Variants in ZGRF1 observed in about 807,000 individuals in gnomAD.
ZGRF1 encodes the protein 5'-3' DNA helicase ZGRF1.
Under a neutral mutation model 203.5 loss-of-function variants are expected in ZGRF1, and 196 were observed. That is an observed-to-expected ratio of 0.96 (90% CI 0.86 to 1.08). ZGRF1 has a LOEUF of 1.08. Ranked by LOEUF, ZGRF1 falls within the 50% of genes least tolerant of loss-of-function variation. The pLI is 0.00. For synonymous variants in ZGRF1, 809 were observed against 841.3 expected (o/e 0.96, Z 0.66); for missense variants, 2,326 against 2,416.3 (o/e 0.96, Z 0.78).
At chr4:112,598,292 G>A (rs1749374265) in intron 10 of ZGRF1, among the ~76,000 whole-genome samples, 1 of 152,080 alleles carries the variant, frequency 6.6e-6, no homozygotes, top group East Asian at 1.9e-4. Flanking sequence ...GCTTTTTGAG[G>A]GTATGGAAAA....
intron 10 of ZGRF1, among the ~76,000 whole-genome samples, chr4:112,599,519 G>A (rs966237659): frequency 2.7e-5 from 4 of 150,772 alleles, no homozygotes; most frequent in African/African-American, 9.8e-5. Flanking sequence ...TCAGGAGTTT[G>A]AGACCAGCCT....
chr4:112,539,523 A>T lies in ZGRF1; in HGVS notation c.*24T>A, dbSNP rs922899202. On this transcript the variant is annotated 3_prime_UTR_variant, in exon 28 of 28. Transcript: ENST00000505019. ...AAAATGAGTCTGAATTTACATAAAT[A>T]CAAAATATTTACACCATGTCTTTTT... 8.8e-7 allele frequency: 1 copy of T among 1,141,388 alleles called. No homozygotes were observed. The highest frequency in any genetic ancestry group is 1.3e-6 in the Non-Finnish European group (1 of 790,580). The allele number at this position is 1,141,388 out of a possible 1,614,324, so 70.7% of individuals were successfully genotyped here. A position where few individuals can be genotyped will look rare whatever the true frequency, so the allele number is the denominator to read the frequency against.
intron 14 of ZGRF1, 43 bp downstream of exon 14, chr4:112,585,498 A>G (rs1747008628): frequency 2.0e-6 from 3 of 1,515,204 alleles, no homozygotes; most frequent in Non-Finnish European, 2.7e-6. Flanking sequence ...ACCCTTTATA[A>G]GACAAGTATT....
intron 1 of ZGRF1, among the ~76,000 whole-genome samples, chr4:112,634,685 G>A (rs568626757): frequency 2.0e-5 from 3 of 151,998 alleles, no homozygotes; most frequent in Admixed American, 2.0e-4. Context: ...CGGGGGCGGT[G>A]AAGTGCAAGA....
At chr4:112,617,242 G>A (rs1244098724) in intron 6 of ZGRF1, among the ~76,000 whole-genome samples, 198 bp downstream of exon 6, 1 of 152,156 alleles carries the variant, frequency 6.6e-6, no homozygotes, top group East Asian at 1.9e-4. Context: ...TAATTCTGAA[G>A]GGTAGAATAA....
At chr4:112,559,350 C>T (rs1031441364) in intron 19 of ZGRF1, among the ~76,000 whole-genome samples, 52 of 152,254 alleles carry the variant, frequency 3.4e-4, no homozygotes, top group African/African-American at 1.1e-3. Flanking sequence ...AGGTGCATGC[C>T]TCCATGTCCA....
chr4:112,555,624 C>T (rs1478083623), intron 20 of ZGRF1, among the ~76,000 whole-genome samples: 1 of 152,200 alleles, frequency 6.6e-6, no homozygotes, highest in African/African-American at 2.4e-5. Flanking sequence ...TTGGTTAAAT[C>T]TATAATAATA....
intron 6 of ZGRF1, among the ~76,000 whole-genome samples, 175 bp downstream of exon 6, chr4:112,617,265 G>A (rs1399915055): frequency 1.3e-5 from 2 of 152,160 alleles, no homozygotes; most frequent in African/African-American, 4.8e-5. Context: ...GATGTGGTTG[G>A]ATGGGGACTT....
intron 4 of ZGRF1, among the ~76,000 whole-genome samples, chr4:112,621,335 C>A (rs964071927): frequency 2.0e-5 from 3 of 152,092 alleles, no homozygotes; most frequent in Admixed American, 6.6e-5. Flanking sequence ...GTACTTGCCA[C>A]CACCTCTGAC....
intron 22 of ZGRF1, 87 bp from the exon 23 acceptor site, chr4:112,548,467 TAGAG>T (rs1458040993): frequency 9.4e-7 from 1 of 1,060,486 alleles, no homozygotes; most frequent in Non-Finnish European, 1.3e-6. Flanking sequence ...AGGCTAAAAT[TAGAG>T]AGTGAGCTAG....
chr4:112,550,828 G>A (rs1157893594), intron 22 of ZGRF1, among the ~76,000 whole-genome samples: 1 of 152,116 alleles, frequency 6.6e-6, no homozygotes, highest in African/African-American at 2.4e-5. Flanking sequence ...CTCCAGCCTG[G>A]ACAGAGCAAG....
At chr4:112,604,236 G>C (rs1406308786) in intron 9 of ZGRF1, among the ~76,000 whole-genome samples, 1 of 145,540 alleles carries the variant, frequency 6.9e-6, no homozygotes, top group Non-Finnish European at 1.5e-5. Flanking sequence ...AAAAAAAAAA[G>C]TATGATTTAT....
intron 21 of ZGRF1, among the ~76,000 whole-genome samples, chr4:112,554,380 G>A (rs547818937): frequency 6.6e-5 from 10 of 152,146 alleles, no homozygotes; most frequent in African/African-American, 2.4e-4. Context: ...TCATGCACAC[G>A]TATGTTTATT....
intron 10 of ZGRF1, among the ~76,000 whole-genome samples, chr4:112,592,375 G>A (rs952872284): frequency 1.8e-4 from 28 of 152,064 alleles, no homozygotes; most frequent in African/African-American, 6.0e-4. Flanking sequence ...TAAGATTACA[G>A]GTGTCAGCCA....
At chr4:112,619,722 C>A in intron 5 of ZGRF1, 32 bp from the exon 6 acceptor site, 1 of 1,453,662 alleles carries the variant, frequency 6.9e-7, no homozygotes, top group South Asian at 1.4e-5. Flanking sequence ...TTAGGTGTAC[C>A]ATTACCCATT....
Position 112,600,862 on chromosome 4 carries a change from G to A in ZGRF1, c.2976+2662C>T, listed in dbSNP as rs1749840844. 2.0e-5 allele frequency among the ~76,000 whole-genome samples: 3 copies of A among 152,226 alleles called. No individual in the cohort carries two copies. The South Asian group carries it at 6.2e-4, about 32-fold the overall frequency. On this transcript the variant is annotated intron_variant, in intron 10 of 27. Coordinates refer to ENST00000505019, the MANE Select transcript of ZGRF1 (RefSeq NM_018392.5). ...ATTCTCACCACCTGTTTCTCTGTTG[G>A]ATTACCAATAAACAGTGTGGGCTCC...
rs1428048477 is a variant in ZGRF1, at chr4:112,631,973, A to G, written c.59T>C (p.Val20Ala). Residue 20 changes from valine (V) to alanine (A), a missense_variant, in exon 3 of 28, where the codon GTG becomes GCG. Transcript: ENST00000505019. ...YTHQKMKKSK[V>A]WQDGILKITH... ...GATCTTCAGAATTCCATCTTGCCAC[A>G]CTTTTGACTTCTTCATCTTTTGATG... 1 of 1,595,576 alleles carries G rather than the reference A, an allele frequency of 6.3e-7. No homozygotes were observed. The highest frequency in any genetic ancestry group is 8.5e-7 in the Non-Finnish European group (1 of 1,171,124).
intron 16 of ZGRF1, among the ~76,000 whole-genome samples, chr4:112,575,717 G>A (rs767830228): frequency 1.3e-5 from 2 of 152,244 alleles, no homozygotes; most frequent in Non-Finnish European, 2.9e-5. Context: ...CAAGGCAGGA[G>A]CTAGGCCAGG....
chr4:112,634,305 AG>A (rs1448443629), intron 1 of ZGRF1, among the ~76,000 whole-genome samples: 2 of 152,114 alleles, frequency 1.3e-5, no homozygotes, highest in Non-Finnish European at 1.5e-5. Flanking sequence ...GGCTTCTTCA[AG>A]GAAGTAAAGT....
Sources: gnomAD v4.1 joint callset for allele counts (sites outside exome capture counted in the v4.1 genomes callset) on GRCh38, gnomAD v4.1.1 for gene constraint, MANE v1.5 for transcripts, NCBI Gene and HGNC (gene_info 2026-07-23, HGNC 2026-07-21) for gene names.